Variants in PLEKHB1 observed in about 807,000 individuals in gnomAD.
PLEKHB1 encodes the protein pleckstrin homology domain containing B1, also known as pleckstrin homology domain-containing family B member 1.
A neutral mutation model predicts 36.2 loss-of-function variants in PLEKHB1; 29 were observed. The observed-to-expected ratio is 0.80, with a 90% CI of 0.60 to 1.09. PLEKHB1 has a LOEUF of 1.09. Among genes scored for constraint, PLEKHB1 ranks in the 50% least tolerant of loss-of-function variants. The pLI is 0.00. For missense variants in PLEKHB1, 330 were observed against 348.2 expected (o/e 0.95, Z 0.42); for synonymous variants, 138 against 140.0 (o/e 0.99, Z 0.10).
At chr11:73,649,384 G>A (rs1469002375) in intron 2 of PLEKHB1, among the ~76,000 whole-genome samples, 3 of 152,052 alleles carry the variant, frequency 2.0e-5, no homozygotes, top group Admixed American at 6.6e-5. Context: ...CTCCCTCCTC[G>A]GTTTTCACGG....
chr11:73,660,054 A>C (rs770070467), intron 6 of PLEKHB1, among the ~76,000 whole-genome samples: 1 of 152,168 alleles, frequency 6.6e-6, no homozygotes, highest in African/African-American at 2.4e-5. Context: ...AATGCATTAC[A>C]TTTTCTACAT....
rs953931159 is a variant in PLEKHB1, at chr11:73,647,687, G to C, written c.18+1061G>C. 8 of 985,536 alleles carry C rather than the reference G, an allele frequency of 8.1e-6. 2 individuals are homozygous for C. In the South Asian group the frequency reaches 3.8e-4, roughly 46 times the overall value. 61.0% of individuals were successfully genotyped at this position (985,536 alleles called of 1,614,324 possible). On this transcript the variant is annotated intron_variant, in intron 1 of 7. Transcript: ENST00000354190. ...AGGCGCAGCGGGTTGGGTGGCAGCA[G>C]CATCGAGTAGCGGCCGCTTAGGCAG...
rs1945151364 is a variant in PLEKHB1 at position 73,662,678 on chromosome 11, C to T, written c.*1076C>T. The T allele has an allele frequency of 6.6e-6, 1 of 152,314 alleles. No individual in the cohort carries two copies. The highest frequency in any genetic ancestry group is 2.1e-4 in the South Asian group (1 of 4,814). 9.4% of individuals were successfully genotyped at this position (152,314 alleles called of 1,614,324 possible). On this transcript the variant is annotated 3_prime_UTR_variant, in exon 8 of 8. Coordinates refer to ENST00000354190, the MANE Select transcript of PLEKHB1 (RefSeq NM_021200.3). ...CCTTTGGTTCCCTTCCAGTCTCTTC[C>T]CCCTTTCTATCCCAATCACCAATAG... is the stretch of plus-strand genomic sequence containing the variant.
At chr11:73,656,228 A>G (rs947988673) in intron 6 of PLEKHB1, among the ~76,000 whole-genome samples, 2 of 152,162 alleles carry the variant, frequency 1.3e-5, no homozygotes, top group African/African-American at 2.4e-5. Context: ...ACCACTAGGC[A>G]TCGTCATTCC....
rs1258387392 is a variant in PLEKHB1, at chr11:73,652,973, AGAGCATG to A, written c.352_358del (p.Ala118ArgfsTer32). On this transcript the variant is annotated splice_acceptor_variant and coding_sequence_variant, in exon 5 of 8. Transcript: ENST00000354190. LOFTEE classifies it high-confidence loss of function. ...CATGGTCTGGTGGGATTTGCTTTGCAGAGCATGGAAGACAGCACTGCTGGAGGCAAAC... is the reference window on the plus strand; with the variant it reads ...CATGGTCTGGTGGGATTTGCTTTGCAGAAGACAGCACTGCTGGAGGCAAAC... The A allele has an allele frequency of 1.9e-6, 3 of 1,608,360 alleles. No homozygotes were observed. The Admixed American group carries it at 5.0e-5, about 27-fold the overall frequency.
rs534111421 is a variant in PLEKHB1, at chr11:73,661,532, T to C, written c.662T>C (p.Met221Thr). ...PCYSAGAPLA[M>T]GMLAGAATGA... ...TACAGCGCCGGCGCCCCTCTGGCCA[T>C]GGGCATGCTTGCGGGAGCCGCCACT... Residue 221 changes from methionine to threonine, a missense_variant, in exon 8 of 8, where the codon ATG becomes ACG. Met to Thr is a moderately conservative substitution (Grantham distance 81, BLOSUM62 -1). Coordinates refer to ENST00000354190, the MANE Select transcript of PLEKHB1 (RefSeq NM_021200.3). The surrounding 1 kb of genome is among the most constrained non-coding windows in gnomAD (Gnocchi z 4.6). 6 of 1,612,014 alleles carry C rather than the reference T, an allele frequency of 3.7e-6. No homozygotes were observed. The East Asian group carries it at 1.1e-4, about 30-fold the overall frequency.
chr11:73,651,730 A>T, intron 3 of PLEKHB1, 58 bp from the exon 4 acceptor site: 1 of 1,403,076 alleles, frequency 7.1e-7, no homozygotes, highest in Non-Finnish European at 1.0e-6. Context: ...TCCCTGCTTT[A>T]CTGGGGGGAC....
In PLEKHB1 at chr11:73,661,447, G is replaced by A; in HGVS notation, c.596-19G>A. The A allele has an allele frequency of 6.2e-7, 1 of 1,613,452 alleles. No homozygotes were observed. Among genetic ancestry groups the A allele is most frequent in the Non-Finnish European group, 8.5e-7 (1 of 1,179,482 alleles). On this transcript the variant is annotated intron_variant, in intron 7 of 7. Coordinates refer to ENST00000354190, the MANE Select transcript of PLEKHB1 (RefSeq NM_021200.3). This position sits in a 1 kb window ranked among gnomAD's most constrained non-coding sequence, Gnocchi z 4.6. ...TCCCTCCTAAGTCGCTGATCCTCAT[G>A]GGCTGTCTCCCTCTGCAGGCCCTGG...
rs1590806351 is a variant in PLEKHB1 at position 73,661,839 on chromosome 11, A to G, written c.*237A>G. The G allele has an allele frequency of 4.0e-6, 2 of 505,220 alleles. No individual in the cohort carries two copies. The highest frequency in any genetic ancestry group is 3.4e-5 in the East Asian group (1 of 29,478). The allele number at this position is 505,220 out of a possible 1,614,324, so 31.3% of individuals were successfully genotyped here. ...TCACATCTACCACTAGACACCCCCA[A>G]AATCTGTTATAGACATTTATGGATA... On this transcript the variant is annotated 3_prime_UTR_variant, in exon 8 of 8. Transcript: ENST00000354190. The surrounding 1 kb of genome is among the most constrained non-coding windows in gnomAD (Gnocchi z 4.6).
At chr11:73,647,791 G>T (rs1410963791) in intron 1 of PLEKHB1, 2 of 982,852 alleles carry the variant, frequency 2.0e-6, no homozygotes, top group African/African-American at 3.5e-5. Context: ...TGACCCTCTT[G>T]TCTGATCTGT....
At chr11:73,654,275 C>T (rs1944953052) in intron 5 of PLEKHB1, among the ~76,000 whole-genome samples, 1 of 152,178 alleles carries the variant, frequency 6.6e-6, no homozygotes, top group Non-Finnish European at 1.5e-5. Flanking sequence ...TGGCCTCCAC[C>T]CCCATCTGCC....
In PLEKHB1 at chr11:73,655,874, G is replaced by A. The variant is rs757316709; in HGVS notation, c.462G>A (p.Ser154=). Residue 154 remains serine (S), a synonymous_variant, in exon 6 of 8, where the codon TCG becomes TCA. Coordinates refer to ENST00000354190, the MANE Select transcript of PLEKHB1 (RefSeq NM_021200.3). ...VCSKVRCVTR[S]WSPCKVERRI... Reference sequence around the variant, plus strand: ...CCAAGGTCAGGTGTGTGACCCGCTCGTGGAGCCCCTGTAAGGTTGAGAGGC... The same window carrying A: ...CCAAGGTCAGGTGTGTGACCCGCTCATGGAGCCCCTGTAAGGTTGAGAGGC... The A allele has an allele frequency of 1.9e-5, 31 of 1,613,612 alleles. No homozygotes were observed. The highest frequency in any genetic ancestry group is 1.0e-4 in the Admixed American group (6 of 59,992).
At chr11:73,646,743 C>A in intron 1 of PLEKHB1, 117 bp downstream of exon 1, 2 of 1,104,158 alleles carry the variant, frequency 1.8e-6, no homozygotes, top group Non-Finnish European at 2.7e-6. Context: ...CTCTGAATGA[C>A]ATCCTGTGGC....
At chr11:73,652,148 G>T in intron 4 of PLEKHB1, 2 of 513,466 alleles carry the variant, frequency 3.9e-6, no homozygotes, top group South Asian at 2.2e-5. Context: ...TCAGGTATCT[G>T]GTTCCTGGTC....
intron 5 of PLEKHB1, among the ~76,000 whole-genome samples, chr11:73,653,907 A>C (rs1350675099): frequency 6.6e-6 from 1 of 152,138 alleles, no homozygotes; most frequent in Non-Finnish European, 1.5e-5. Context: ...TTTTGAACAG[A>C]GGGATGGCAT....
intron 6 of PLEKHB1, among the ~76,000 whole-genome samples, chr11:73,659,326 CT>C (rs1945058091): frequency 6.6e-6 from 1 of 151,890 alleles, no homozygotes; most frequent in South Asian, 2.1e-4. Flanking sequence ...ACCTGGACTT[CT>C]AAGGGGAGCT....
chr11:73,657,816 A>G (rs535490504), intron 6 of PLEKHB1, among the ~76,000 whole-genome samples: 13 of 152,162 alleles, frequency 8.5e-5, no homozygotes, highest in Non-Finnish European at 1.8e-4. Context: ...GCCTACCAGA[A>G]ATCCCTATTG....
chr11:73,657,651 C>T (rs983606736), intron 6 of PLEKHB1, among the ~76,000 whole-genome samples: 3 of 152,130 alleles, frequency 2.0e-5, no homozygotes, highest in African/African-American at 7.2e-5. Flanking sequence ...ATGGGGTGCT[C>T]CACCCTCTCC....
chr11:73,651,025 G>A (rs1026026546), intron 3 of PLEKHB1, among the ~76,000 whole-genome samples: 13 of 150,688 alleles, frequency 8.6e-5, no homozygotes, highest in African/African-American at 2.9e-4. Flanking sequence ...GGTGAGATGC[G>A]GTCACATATG....
Sources: gnomAD v4.1 joint callset for allele counts (sites outside exome capture counted in the v4.1 genomes callset) on GRCh38, gnomAD v4.1.1 for gene constraint, Gnocchi (gnomAD v3.1) non-coding constraint, MANE v1.5 for transcripts, NCBI Gene and HGNC (gene_info 2026-07-23, HGNC 2026-07-21) for gene names.